The following TNFSF4 variants were observed in gnomAD, a reference collection of about 807,000 sequenced individuals.
The protein encoded by TNFSF4 is TNF superfamily member 4.
Under a neutral mutation model 7.3 loss-of-function variants are expected in TNFSF4, and 4 were observed. That is an observed-to-expected ratio of 0.55 (90% CI 0.27 to 1.25). TNFSF4 has a LOEUF of 1.25. TNFSF4 is among the 50% of genes most tolerant of loss of function. The probability of loss-of-function intolerance (pLI) is 0.12; values close to 1 mark genes in which losing one functional copy is unlikely to be tolerated. For synonymous variants in TNFSF4, 76 were observed against 83.7 expected (o/e 0.91, Z 0.50); for missense variants, 181 against 208.8 (o/e 0.87, Z 0.82).
intron 1 of TNFSF4, among the ~76,000 whole-genome samples, chr1:173,194,528 G>T (rs1479115382): frequency 6.6e-6 from 1 of 152,106 alleles, no homozygotes; most frequent in Non-Finnish European, 1.5e-5. Context: ...ATGAGCAAAA[G>T]ACATTCTATA....
At chr1:173,338,856 C>G in the TNFSF4 span, among the ~76,000 whole-genome samples, 1 of 152,164 alleles carries the variant, frequency 6.6e-6, no homozygotes, top group African/African-American at 2.4e-5. Context: ...TCTGAAACAG[C>G]ATGTAAAAAA....
chr1:173,414,260 G>A, the TNFSF4 span, among the ~76,000 whole-genome samples: 7 of 152,128 alleles, frequency 4.6e-5, no homozygotes, highest in Non-Finnish European at 1.0e-4. Context: ...GCTTGCAGAC[G>A]GCCACCTTCT....
chr1:173,376,455 G>A, the TNFSF4 span, among the ~76,000 whole-genome samples: 2 of 152,138 alleles, frequency 1.3e-5, no homozygotes, highest in African/African-American at 2.4e-5. Flanking sequence ...GGGGGTCTAG[G>A]GGATGGATAC....
At chr1:173,274,197 G>A in the TNFSF4 span, among the ~76,000 whole-genome samples, 1 of 151,106 alleles carries the variant, frequency 6.6e-6, no homozygotes, top group Non-Finnish European at 1.5e-5. Flanking sequence ...TTTCAAAATA[G>A]AATCATATTG....
chr1:173,374,546 G>A, the TNFSF4 span, among the ~76,000 whole-genome samples: 3 of 152,114 alleles, frequency 2.0e-5, no homozygotes, highest in African/African-American at 7.2e-5. Context: ...AACCATTGGA[G>A]GACTTGTGTC....
At chr1:173,188,440 T>A (rs1325193640) in intron 2 of TNFSF4, 81 bp downstream of exon 2, 4 of 1,117,292 alleles carry the variant, frequency 3.6e-6, no homozygotes, top group Non-Finnish European at 5.4e-6. Flanking sequence ...AGAAGAGATC[T>A]TGTGTTCTAG....
chr1:173,258,708 G>C, the TNFSF4 span, among the ~76,000 whole-genome samples: 1 of 152,180 alleles, frequency 6.6e-6, no homozygotes, highest in Non-Finnish European at 1.5e-5. Context: ...ATTCCCCACA[G>C]GGCAGCACAG....
At chr1:173,179,560 G>A (rs1247682607), downstream of TNFSF4, among the ~76,000 whole-genome samples, 1 of 152,154 alleles carries the variant, frequency 6.6e-6, no homozygotes, top group Non-Finnish European at 1.5e-5. Flanking sequence ...GTAAAATGAT[G>A]CTTCTACCCA....
the TNFSF4 span, among the ~76,000 whole-genome samples, chr1:173,261,955 T>A: frequency 6.6e-6 from 1 of 152,178 alleles, no homozygotes; most frequent in Non-Finnish European, 1.5e-5. Flanking sequence ...AATTGAAAAG[T>A]AAGGACTCCT....
chr1:173,313,973 C>G, the TNFSF4 span, among the ~76,000 whole-genome samples: 1 of 151,966 alleles, frequency 6.6e-6, no homozygotes, highest in Non-Finnish European at 1.5e-5. Flanking sequence ...TACTTCTTGT[C>G]TTTTCCCTTA....
At chr1:173,434,903 T>C in the TNFSF4 span, among the ~76,000 whole-genome samples, 9 of 152,234 alleles carry the variant, frequency 5.9e-5, no homozygotes, top group Middle Eastern at 6.8e-3. Flanking sequence ...TGGGACAAAA[T>C]AGTGAAACAC....
chr1:173,355,444 A>G, the TNFSF4 span, among the ~76,000 whole-genome samples: 1 of 152,128 alleles, frequency 6.6e-6, no homozygotes, highest in East Asian at 1.9e-4. Flanking sequence ...TACAACAATA[A>G]CACTTGTGAA....
At chr1:173,224,560 C>T in the TNFSF4 span, among the ~76,000 whole-genome samples, 1 of 152,212 alleles carries the variant, frequency 6.6e-6, no homozygotes, top group African/African-American at 2.4e-5. Flanking sequence ...TTGCTGAGCA[C>T]TGCATGTGGT....
chr1:173,426,314 C>A, the TNFSF4 span, among the ~76,000 whole-genome samples: 1 of 152,146 alleles, frequency 6.6e-6, no homozygotes, highest in South Asian at 2.1e-4. Flanking sequence ...TCTCCCTGTG[C>A]TTCAGGAGAG....
the TNFSF4 span, among the ~76,000 whole-genome samples, chr1:173,446,396 G>A: frequency 6.6e-6 from 1 of 152,172 alleles, no homozygotes; most frequent in Admixed American, 6.5e-5. Flanking sequence ...GATGTACATA[G>A]TGACTTTATT....
intron 1 of TNFSF4, among the ~76,000 whole-genome samples, chr1:173,198,432 C>T (rs1280804366): frequency 6.6e-6 from 1 of 152,234 alleles, no homozygotes; most frequent in Non-Finnish European, 1.5e-5. Flanking sequence ...ACTTTCAACA[C>T]AATAGACCCC....
At chr1:173,417,336 C>G in the TNFSF4 span, among the ~76,000 whole-genome samples, 3 of 152,178 alleles carry the variant, frequency 2.0e-5, no homozygotes, top group Non-Finnish European at 4.4e-5. Flanking sequence ...TATGAGGTAA[C>G]AAATGTAAAG....
the TNFSF4 span, among the ~76,000 whole-genome samples, chr1:173,287,357 A>T: frequency 5.3e-5 from 8 of 152,176 alleles, no homozygotes; most frequent in Admixed American, 5.2e-4. Context: ...AATAATTTTT[A>T]AAAACCACAA....
intron 1 of TNFSF4, among the ~76,000 whole-genome samples, chr1:173,194,582 T>C (rs527501514): frequency 6.6e-6 from 1 of 152,138 alleles, no homozygotes; most frequent in Non-Finnish European, 1.5e-5. Flanking sequence ...AGGCCATCCT[T>C]TGTGCATTCA....
Sources: allele counts gnomAD v4.1 joint callset (sites outside exome capture counted in the v4.1 genomes callset), GRCh38; gene constraint gnomAD v4.1.1; transcripts MANE v1.5; gene names NCBI Gene and HGNC (gene_info 2026-07-23, HGNC 2026-07-21).